ASB15: variants seen among roughly 807,000 people sequenced by gnomAD.
The protein encoded by ASB15 is ankyrin repeat and SOCS box containing 15, also known as ankyrin repeat and SOCS box protein 15.
Under a neutral mutation model 58.0 loss-of-function variants are expected in ASB15, and 54 were observed. The observed-to-expected ratio is 0.93, with a 90% confidence interval of 0.75 to 1.17. The LOEUF (loss-of-function observed/expected upper bound fraction) is 1.17, where lower values mean the gene tolerates loss of function less well. Ranked by LOEUF, ASB15 falls within the 50% of genes most tolerant of loss-of-function variation. The probability of loss-of-function intolerance (pLI) is 0.00; values close to 1 mark genes in which losing one functional copy is unlikely to be tolerated. For missense variants in ASB15, 680 were observed against 707.4 expected (o/e 0.96, Z 0.44); for synonymous variants, 249 against 262.4 (o/e 0.95, Z 0.50).
intron 11 of ASB15, among the ~76,000 whole-genome samples, chr7:123,634,573 G>A (rs2116685317): frequency 6.6e-6 from 1 of 152,080 alleles, no homozygotes; most frequent in Admixed American, 6.5e-5. Context: ...AAAAAAAACT[G>A]GTCAGCTCCA....
chr7:123,609,580 A>G (rs1453552220), intron 3 of ASB15, among the ~76,000 whole-genome samples: 5 of 152,310 alleles, frequency 3.3e-5, no homozygotes, highest in South Asian at 2.1e-4. Context: ...GATGGTTTCA[A>G]TTTTGTTATG....
At position 123,614,482 on chromosome 7, in the gene ASB15, C is replaced by T. The variant is rs994344; in HGVS notation, c.-2-19C>T. ...ATTTCTTGATAATAAGAACTTGTCT[C>T]GTTCAAAATTATATGCAGGAATGGA... On this transcript the variant is annotated intron_variant, in intron 3 of 11. Transcript: ENST00000451215. 2.5e-3 allele frequency: 3,670 copies of T among 1,463,484 alleles called. 77 individuals are homozygous for T. The African/African-American group carries it at 0.044, about 18-fold the overall frequency. The allele number at this position is 1,463,484 out of a possible 1,614,324, so 90.7% of individuals were successfully genotyped here. A position where few individuals can be genotyped will look rare whatever the true frequency, so the allele number is the denominator to read the frequency against.
At chr7:123,598,965 G>A (rs1423466031), upstream of ASB15, 3 of 152,032 alleles carry the variant, frequency 2.0e-5, no homozygotes, top group African/African-American at 7.2e-5. Context: ...GTACAGCATA[G>A]CAAAAATAAA....
At chr7:123,575,545 T>C (rs1234116549) in intron 1 of ASB15, among the ~76,000 whole-genome samples, 3 of 152,068 alleles carry the variant, frequency 2.0e-5, no homozygotes, top group Non-Finnish European at 4.4e-5. Flanking sequence ...CTTAATTCCC[T>C]ACATTTCTTT....
Position 123,630,042 on chromosome 7 carries a change from A to T in ASB15, c.1517A>T (p.Asp506Val), listed in dbSNP as rs747048784. The T allele has an allele frequency of 2.5e-6, 4 of 1,607,616 alleles. No homozygotes were observed. The highest frequency in any genetic ancestry group is 1.7e-5 in the Admixed American group (1 of 59,952). Residue 506 changes from aspartate (D) to valine (V), a missense_variant, in exon 11 of 12, where the codon GAT (aspartate) becomes GTT (valine). By Grantham distance (152) the Asp-to-Val change is radical. Transcript: ENST00000451215. The stretch of plus-strand genomic sequence containing the variant: ...ACTCGTGTACTAATAGATTACATGG[A>T]TTATGTTCCTCTGTGTGCTAAACTG... ...RVTRVLIDYM[D>V]YVPLCAKLKS...
upstream of ASB15, among the ~76,000 whole-genome samples, chr7:123,599,765 A>ACTGTTTCATG (rs1799812728): frequency 1.3e-5 from 2 of 152,176 alleles, no homozygotes; most frequent in Non-Finnish European, 2.9e-5. Context: ...ATTTCTTGCT[A>ACTGTTTCATG]TATATAGATA....
chr7:123,624,467 T>C, intron 7 of ASB15, 102 bp from the exon 8 acceptor site: 4 of 1,137,186 alleles, frequency 3.5e-6, no homozygotes, highest in Non-Finnish European at 5.0e-6. Flanking sequence ...AAAAAGTTAC[T>C]AGCTAGTATC....
chr7:123,593,295 T>C (rs1799596579), intron 1 of ASB15, among the ~76,000 whole-genome samples: 1 of 152,188 alleles, frequency 6.6e-6, no homozygotes, highest in African/African-American at 2.4e-5. Flanking sequence ...TTGTTATGTG[T>C]GAGTTTGATC....
chr7:123,591,970 T>A (rs1052206131), intron 1 of ASB15, among the ~76,000 whole-genome samples: 1 of 152,200 alleles, frequency 6.6e-6, no homozygotes, highest in African/African-American at 2.4e-5. Context: ...AATGCCTCAA[T>A]TTCAGGACCT....
chr7:123,629,935 C>G (rs772296768), intron 10 of ASB15, 31 bp from the exon 11 acceptor site: 1 of 1,479,684 alleles, frequency 6.8e-7, no homozygotes, highest in Non-Finnish European at 9.3e-7. Context: ...ATTAAAAATA[C>G]TACTAAATTA....
Position 123,617,651 on chromosome 7 carries a change from G to T in ASB15, c.365G>T (p.Gly122Val), listed in dbSNP as rs371457160. 1 of 1,610,906 alleles carries T rather than the reference G, an allele frequency of 6.2e-7. No individual in the cohort carries two copies. Among genetic ancestry groups the T allele is most frequent in the East Asian group, 2.2e-5 (1 of 44,848 alleles). The change falls in exon 7 of 12, where the codon GGT becomes GTT. Residue 122 changes from glycine (G) to valine (V), a missense_variant. Transcript: ENST00000451215. Reference protein sequence around the residue: ...ETPLTLAVKAGLVENVRTLLE... With the variant: ...ETPLTLAVKAVLVENVRTLLE... ...CCCTTGACTTTGGCAGTCAAAGCTG[G>T]TCTGGTGGAAAATGTAAGAACTTTA...
intron 3 of ASB15, among the ~76,000 whole-genome samples, chr7:123,611,013 C>T (rs6466877): frequency 1.0e-3 from 142 of 139,678 alleles, no homozygotes; most frequent in African/African-American, 3.5e-3. Flanking sequence ...ACCCAGCAGG[C>T]GGGAGGTTGC....
At chr7:123,575,810 A>G (rs970613160) in intron 1 of ASB15, among the ~76,000 whole-genome samples, 5 of 132,512 alleles carry the variant, frequency 3.8e-5, no homozygotes, top group African/African-American at 1.4e-4. Flanking sequence ...GGCAGCATGA[A>G]GTTTTCTTTT....
chr7:123,635,251 C>T lies in ASB15; in HGVS notation c.1595-1558C>T, dbSNP rs78796162. Among the ~76,000 whole-genome samples, 345 of 152,132 alleles carry T rather than the reference C, an allele frequency of 2.3e-3. 2 individuals carry two copies. Among genetic ancestry groups the T allele is most frequent in the African/African-American group, 7.8e-3 (325 of 41,518 alleles). ...ATTGTAGAAGAATTTCTTTGGTCTC[C>T]GGCAAAGTTCTATTTCCTATAGACC... On this transcript the variant is annotated intron_variant, in intron 11 of 11. Transcript: ENST00000451215.
chr7:123,632,923 C>G (rs1334654177), intron 11 of ASB15, among the ~76,000 whole-genome samples: 1 of 152,190 alleles, frequency 6.6e-6, no homozygotes, highest in South Asian at 2.1e-4. Flanking sequence ...TTTTCATCAA[C>G]AATACTTTAT....
At chr7:123,608,171 A>C (rs1800242157) in intron 2 of ASB15, among the ~76,000 whole-genome samples, 1 of 151,832 alleles carries the variant, frequency 6.6e-6, no homozygotes, top group Non-Finnish European at 1.5e-5. Context: ...GTAATATGAA[A>C]CTGGAGATAA....
chr7:123,628,691 T>G (rs1053213794), intron 9 of ASB15, among the ~76,000 whole-genome samples, 173 bp from the exon 10 acceptor site: 2 of 152,222 alleles, frequency 1.3e-5, no homozygotes, highest in African/African-American at 4.8e-5. Context: ...TACATTACAC[T>G]AAACTAAATA....
intron 1 of ASB15, among the ~76,000 whole-genome samples, chr7:123,569,960 G>A (rs957698247): frequency 6.6e-6 from 1 of 151,246 alleles, no homozygotes; most frequent in African/African-American, 2.4e-5. Flanking sequence ...TTTGACTAAG[G>A]AAAAACTGCA....
intron 1 of ASB15, among the ~76,000 whole-genome samples, chr7:123,578,931 G>T (rs998216505): frequency 6.6e-6 from 1 of 151,642 alleles, no homozygotes; most frequent in African/African-American, 2.4e-5. Flanking sequence ...TTTTAGATTC[G>T]GGTGGTACAT....
Sources: allele counts gnomAD v4.1 joint callset (sites outside exome capture counted in the v4.1 genomes callset), GRCh38; gene constraint gnomAD v4.1.1; transcripts MANE v1.5; gene names NCBI Gene and HGNC (gene_info 2026-07-23, HGNC 2026-07-21).